Variants in ADRA1B observed in about 807,000 individuals in gnomAD.
ADRA1B encodes adrenoceptor alpha 1B, also known as alpha-1B adrenergic receptor.
Under a neutral mutation model 17.9 loss-of-function variants are expected in ADRA1B, and 17 were observed. The ratio of observed to expected loss-of-function variants is 0.95; its 90% CI spans 0.65 to 1.42. The LOEUF (loss-of-function observed/expected upper bound fraction) is 1.42, where lower values mean the gene tolerates loss of function less well. Ranked by LOEUF, ADRA1B falls within the 40% of genes most tolerant of loss-of-function variation. The probability of loss-of-function intolerance (pLI) is 0.00; values close to 1 mark genes in which losing one functional copy is unlikely to be tolerated. For synonymous variants in ADRA1B, 366 were observed against 327.6 expected (o/e 1.12, Z -1.27); for missense variants, 681 against 722.1 (o/e 0.94, Z 0.65).
At chr5:159,942,455 C>T (rs932103633) in intron 1 of ADRA1B, among the ~76,000 whole-genome samples, 1 of 152,212 alleles carries the variant, frequency 6.6e-6, no homozygotes, top group Non-Finnish European at 1.5e-5. Context: ...CTCACACATT[C>T]ATACAGTGGA....
chr5:159,972,341 G>A lies in ADRA1B; in HGVS notation c.1412G>A (p.Gly471Asp). ...GGCCGCCGCGGCCGCCACGACTCGGGCCCGCTCTTCACCTTCAAGCTCCTG... is the reference window on the plus strand; with the variant it reads ...GGCCGCCGCGGCCGCCACGACTCGGACCCGCTCTTCACCTTCAAGCTCCTG... ...PPGRRGRHDS[G>D]PLFTFKLLTE... The change falls in exon 2 of 2, where the codon GGC (glycine) becomes GAC (aspartate). Residue 471 changes from glycine to aspartate, a missense_variant. Coordinates refer to ENST00000306675, the MANE Select transcript of ADRA1B (RefSeq NM_000679.4). 1.3e-6 allele frequency: 2 copies of A among 1,483,736 alleles called. No homozygotes were observed. Among genetic ancestry groups the A allele is most frequent in the Non-Finnish European group, 1.8e-6 (2 of 1,123,748 alleles). 91.9% of individuals were successfully genotyped at this position (1,483,736 alleles called of 1,614,324 possible).
chr5:159,873,883 C>T (rs1174321124), intron 1 of ADRA1B, among the ~76,000 whole-genome samples: 1 of 152,082 alleles, frequency 6.6e-6, no homozygotes, highest in Non-Finnish European at 1.5e-5. Context: ...TGCTTCATTC[C>T]CCCAGAATGA....
chr5:159,910,924 T>TTTTG (rs1754221010), intron 1 of ADRA1B, among the ~76,000 whole-genome samples: 1 of 152,184 alleles, frequency 6.6e-6, no homozygotes, highest in South Asian at 2.1e-4. Flanking sequence ...TTTGCAGTTT[T>TTTTG]TTTGTTTGTT....
At chr5:159,977,556 TC>T (rs1481105733), downstream of ADRA1B, among the ~76,000 whole-genome samples, 1 of 152,188 alleles carries the variant, frequency 6.6e-6, no homozygotes, top group Admixed American at 6.5e-5. Context: ...TTAGCATCCT[TC>T]CACGGTTTTC....
intron 1 of ADRA1B, among the ~76,000 whole-genome samples, chr5:159,931,387 C>G (rs1460155458): frequency 7.0e-6 from 1 of 142,708 alleles, no homozygotes; most frequent in African/African-American, 2.6e-5. Context: ...GAGTAAGACC[C>G]TATCTCAAAA....
chr5:159,923,979 T>A lies in ADRA1B; in HGVS notation c.949+6125T>A, dbSNP rs140909601. 3.8e-3 allele frequency among the ~76,000 whole-genome samples: 578 copies of A among 152,366 alleles called. 6 individuals carry two copies. The highest frequency in any genetic ancestry group is 0.013 in the African/African-American group (540 of 41,562). On this transcript the variant is annotated intron_variant, in intron 1 of 1. Transcript: ENST00000306675. ...GAGAGGTTCAGTACCTTGCCCAAGA[T>A]CACACAGTTAGTAAATGGTAGAGTC... is the stretch of plus-strand genomic sequence containing the variant.
chr5:159,987,411 G>C, the ADRA1B span, among the ~76,000 whole-genome samples: 2 of 152,198 alleles, frequency 1.3e-5, no homozygotes, highest in Non-Finnish European at 1.5e-5. Context: ...CCTGGAGCGG[G>C]GCATCCTTCC....
At chr5:159,883,458 T>C (rs899254924) in intron 1 of ADRA1B, among the ~76,000 whole-genome samples, 1 of 152,206 alleles carries the variant, frequency 6.6e-6, no homozygotes, top group Non-Finnish European at 1.5e-5. Flanking sequence ...TAGAGTCAGT[T>C]CAGTACAAGA....
chr5:159,924,689 A>G (rs1754595180), intron 1 of ADRA1B, among the ~76,000 whole-genome samples: 1 of 152,190 alleles, frequency 6.6e-6, no homozygotes, highest in Admixed American at 6.5e-5. Flanking sequence ...GTGCGTGTGT[A>G]GCTGCAGTGC....
intron 1 of ADRA1B, among the ~76,000 whole-genome samples, chr5:159,907,708 CCAA>C (rs1185860241): frequency 6.6e-6 from 1 of 152,064 alleles, no homozygotes; most frequent in Admixed American, 6.6e-5. Context: ...TTTAATCTTC[CCAA>C]CAACTCCATG....
In ADRA1B at chr5:159,917,232, C is replaced by T. The variant is rs772490163; in HGVS notation, c.327C>T (p.Gly109=). ...TCTCAGCGGCCCTAGAGGTGCTCGGCTACTGGGTGCTGGGGCGGATCTTCT... is the reference window on the plus strand; with the variant it reads ...TCTCAGCGGCCCTAGAGGTGCTCGGTTACTGGGTGCTGGGGCGGATCTTCT... ...LPFSAALEVL[G]YWVLGRIFCD... The change falls in exon 1 of 2, where the codon GGC becomes GGT. Residue 109 remains glycine (G), a synonymous_variant. Coordinates refer to ENST00000306675, the MANE Select transcript of ADRA1B (RefSeq NM_000679.4). 1.2e-6 allele frequency: 2 copies of T among 1,614,052 alleles called. No individual in the cohort carries two copies. Among genetic ancestry groups the T allele is most frequent in the African/African-American group, 1.3e-5 (1 of 74,940 alleles).
chr5:159,921,522 G>A (rs995628358), intron 1 of ADRA1B, among the ~76,000 whole-genome samples: 2 of 152,156 alleles, frequency 1.3e-5, no homozygotes, highest in Non-Finnish European at 2.9e-5. Context: ...AGCAGTGGGG[G>A]AAATTGGGGG....
chr5:159,931,424 C>G, intron 1 of ADRA1B, among the ~76,000 whole-genome samples: 1 of 151,412 alleles, frequency 6.6e-6, no homozygotes. Flanking sequence ...GAAATGACTT[C>G]AGCCCTTTCC....
chr5:159,972,276 G>A lies in ADRA1B; in HGVS notation c.1347G>A (p.Ala449=). 1.7e-6 allele frequency: 2 copies of A among 1,156,138 alleles called. No individual in the cohort carries two copies. The highest frequency in any genetic ancestry group is 2.2e-6 in the Non-Finnish European group (2 of 900,496). 71.6% of individuals were successfully genotyped at this position (1,156,138 alleles called of 1,614,324 possible). The part of the protein sequence containing the change: ...VELCAFPEWK[A]PGALLSLPAP... ...TGTGCGCCTTCCCCGAGTGGAAGGC[G>A]CCCGGCGCCCTCCTGAGCCTGCCCG... The change falls in exon 2 of 2, where the codon GCG becomes GCA. Residue 449 remains alanine (A), a synonymous_variant. Coordinates refer to ENST00000306675, the MANE Select transcript of ADRA1B (RefSeq NM_000679.4).
At chr5:159,987,374 G>A in the ADRA1B span, among the ~76,000 whole-genome samples, 1 of 152,242 alleles carries the variant, frequency 6.6e-6, no homozygotes, top group Non-Finnish European at 1.5e-5. Context: ...CAAAGAAGAC[G>A]AAGCCTCCTG....
intron 1 of ADRA1B, among the ~76,000 whole-genome samples, chr5:159,967,947 C>T (rs1224186388): frequency 6.6e-6 from 1 of 151,824 alleles, no homozygotes; most frequent in Non-Finnish European, 1.5e-5. Flanking sequence ...AACCAAAAAA[C>T]GTATGCCGCG....
chr5:159,981,718 G>A, the ADRA1B span, among the ~76,000 whole-genome samples: 8 of 152,044 alleles, frequency 5.3e-5, no homozygotes, highest in Admixed American at 5.2e-4. Context: ...GGATGGTCTC[G>A]ATCTCCTGAC....
intron 1 of ADRA1B, among the ~76,000 whole-genome samples, chr5:159,892,152 G>T (rs1288481927): frequency 6.6e-6 from 1 of 152,162 alleles, no homozygotes; most frequent in Non-Finnish European, 1.5e-5. Context: ...CAAAAGAATT[G>T]CTTGAACCCG....
intron 1 of ADRA1B, among the ~76,000 whole-genome samples, chr5:159,939,883 C>T (rs1561601046): frequency 6.6e-6 from 1 of 152,174 alleles, no homozygotes; most frequent in Non-Finnish European, 1.5e-5. Flanking sequence ...TTAATGTCTC[C>T]TTTGCCATCT....
Sources: gnomAD v4.1 joint callset for allele counts (sites outside exome capture counted in the v4.1 genomes callset) on GRCh38, gnomAD v4.1.1 for gene constraint, MANE v1.5 for transcripts, NCBI Gene and HGNC (gene_info 2026-07-23, HGNC 2026-07-21) for gene names.